The following COX10 variants were observed in gnomAD, a reference collection of about 807,000 sequenced individuals.
COX10 encodes cytochrome c oxidase assembly factor heme A:farnesyltransferase COX10.
In COX10, 27 loss-of-function variants were observed where a neutral mutation model predicts 37.3. The ratio of observed to expected loss-of-function variants is 0.72; its 90% CI spans 0.53 to 1.00. The LOEUF is 1.00. Among genes scored for constraint, COX10 ranks in the 50% least tolerant of loss-of-function variants. COX10 has a pLI of 0.00. For synonymous variants in COX10, 222 were observed against 229.1 expected, an observed-to-expected ratio of 0.97 and a Z score of 0.28; for missense variants, 475 against 563.2, an observed-to-expected ratio of 0.84 and a Z score of 1.59.
intron 4 of COX10, among the ~76,000 whole-genome samples, chr17:14,103,497 A>C (rs1915830986): frequency 6.6e-6 from 1 of 152,166 alleles, no homozygotes. Context: ...TAATTATCTT[A>C]AGGATTTAAA....
chr17:14,100,546 A>G (rs917152597), intron 3 of COX10, among the ~76,000 whole-genome samples: 1 of 152,160 alleles, frequency 6.6e-6, no homozygotes, highest in Non-Finnish European at 1.5e-5. Context: ...CCAGCTGTGG[A>G]AAGAGGCAAA....
chr17:14,135,378 A>G (rs780628635), intron 4 of COX10, among the ~76,000 whole-genome samples: 6 of 151,840 alleles, frequency 4.0e-5, no homozygotes, highest in Non-Finnish European at 5.9e-5. Flanking sequence ...TAGCAAGCAT[A>G]TTACTGATTT....
chr17:14,089,213 C>A (rs1482305994), intron 3 of COX10, among the ~76,000 whole-genome samples: 1 of 152,192 alleles, frequency 6.6e-6, no homozygotes, highest in African/African-American at 2.4e-5. Context: ...CCTGCCTCTT[C>A]TCTACCCAGT....
At chr17:14,092,552 G>GA (rs900697582) in intron 3 of COX10, among the ~76,000 whole-genome samples, 2 of 151,930 alleles carry the variant, frequency 1.3e-5, no homozygotes, top group Non-Finnish European at 2.9e-5. Flanking sequence ...ATATGGCTGA[G>GA]AAAAAAATAG....
intron 4 of COX10, among the ~76,000 whole-genome samples, chr17:14,118,599 T>G (rs1469417804): frequency 6.6e-6 from 1 of 152,116 alleles, no homozygotes; most frequent in African/African-American, 2.4e-5. Context: ...GTGGCTAACA[T>G]TAGACAATGT....
chr17:14,147,760 C>T (rs1904766588), intron 4 of COX10, among the ~76,000 whole-genome samples: 1 of 149,154 alleles, frequency 6.7e-6, no homozygotes. Flanking sequence ...CATGTACCTA[C>T]TACGTACCTA....
chr17:14,100,378 A>G (rs941672559), intron 3 of COX10, among the ~76,000 whole-genome samples: 2 of 152,184 alleles, frequency 1.3e-5, no homozygotes, highest in African/African-American at 2.4e-5. Flanking sequence ...TGGAGCTTAT[A>G]TTCCAGTGAG....
intron 5 of COX10, among the ~76,000 whole-genome samples, chr17:14,161,151 G>A (rs1278580424): frequency 1.3e-5 from 2 of 152,174 alleles, no homozygotes; most frequent in Non-Finnish European, 2.9e-5. Context: ...ACTTTGTCCA[G>A]TGTGGTGGAA....
chr17:14,109,730 C>T (rs891860344), intron 4 of COX10, among the ~76,000 whole-genome samples: 1 of 152,098 alleles, frequency 6.6e-6, no homozygotes, highest in Non-Finnish European at 1.5e-5. Flanking sequence ...ATGAGTCTTC[C>T]TGCTACCAGG....
intron 1 of COX10, among the ~76,000 whole-genome samples, chr17:14,070,191 T>C (rs558963901): frequency 1.2e-4 from 19 of 152,112 alleles, no homozygotes; most frequent in Non-Finnish European, 2.4e-4. Context: ...TAGTGACAAA[T>C]GTATATTGGA....
intron 4 of COX10, among the ~76,000 whole-genome samples, chr17:14,151,484 T>G (rs765129193): frequency 3.3e-5 from 5 of 151,116 alleles, no homozygotes; most frequent in Non-Finnish European, 5.9e-5. Flanking sequence ...AGACAGTATC[T>G]TTTTTCATCC....
chr17:14,167,033 T>G (rs1355433211), intron 5 of COX10, among the ~76,000 whole-genome samples: 1 of 152,160 alleles, frequency 6.6e-6, no homozygotes, highest in Non-Finnish European at 1.5e-5. Context: ...GGATTCACCA[T>G]TCTATATGCC....
chr17:14,089,100 G>C (rs1021760326), intron 3 of COX10, among the ~76,000 whole-genome samples: 3 of 152,088 alleles, frequency 2.0e-5, no homozygotes, highest in Non-Finnish European at 2.9e-5. Flanking sequence ...CTTAAATTCA[G>C]CCTAGTCAAC....
At chr17:14,106,815 T>C (rs1442140203) in intron 4 of COX10, among the ~76,000 whole-genome samples, 1 of 152,186 alleles carries the variant, frequency 6.6e-6, no homozygotes. Context: ...TTTGCCTGTT[T>C]TGCTGTTGGG....
chr17:14,181,495 G>A (rs1905857936), intron 5 of COX10, among the ~76,000 whole-genome samples: 1 of 151,624 alleles, frequency 6.6e-6, no homozygotes, highest in African/African-American at 2.4e-5. Context: ...AGCAGAGATG[G>A]ATAGTTTTAT....
intron 3 of COX10, among the ~76,000 whole-genome samples, chr17:14,100,511 A>G (rs571631442): frequency 3.9e-5 from 6 of 152,256 alleles, no homozygotes; most frequent in Admixed American, 6.5e-5. Flanking sequence ...AGTATTTCCA[A>G]TGGGATCTGA....
intron 4 of COX10, among the ~76,000 whole-genome samples, chr17:14,104,067 C>A (rs1214740155): frequency 6.6e-6 from 1 of 152,126 alleles, no homozygotes; most frequent in East Asian, 1.9e-4. Context: ...TGTCACTCAT[C>A]CCACACAGCC....
rs570952746 is a variant in COX10 at position 14,126,484 on chromosome 17, C to CT, written c.624+24246dup. 4.6e-5 allele frequency among the ~76,000 whole-genome samples: 7 copies of CT among 152,266 alleles called. No homozygotes were observed. In the South Asian group the frequency reaches 1.5e-3, roughly 32 times the overall value. On this transcript the variant is annotated intron_variant, in intron 4 of 6. Coordinates refer to ENST00000261643, the MANE Select transcript of COX10 (RefSeq NM_001303.4). Reference sequence around the variant, plus strand: ...TAATTAACAACTGAAAACTAAAACTCTTTTCTCTTTGCAGTGTTCTGACTT... The same window carrying CT: ...TAATTAACAACTGAAAACTAAAACTCTTTTTCTCTTTGCAGTGTTCTGACTT...
intron 5 of COX10, among the ~76,000 whole-genome samples, chr17:14,189,933 C>T (rs1440674863): frequency 6.6e-6 from 1 of 151,916 alleles, no homozygotes; most frequent in Non-Finnish European, 1.5e-5. Context: ...TTATTTGATG[C>T]AGGAAGTTAA....
Sources: gnomAD v4.1 joint callset for allele counts (sites outside exome capture counted in the v4.1 genomes callset) on GRCh38, gnomAD v4.1.1 for gene constraint, MANE v1.5 for transcripts, NCBI Gene and HGNC (gene_info 2026-07-23, HGNC 2026-07-21) for gene names.